The following PLBD2 variants were observed in gnomAD, a reference collection of about 807,000 sequenced individuals.
The protein encoded by PLBD2 is putative aminopeptidase PLBD2.
PLBD2 carries 51 observed loss-of-function variants against 68.3 expected under a neutral mutation model. The ratio of observed to expected loss-of-function variants is 0.75; its 90% CI spans 0.60 to 0.94. PLBD2 has a LOEUF of 0.94. Among genes scored for constraint, PLBD2 ranks in the 40% least tolerant of loss-of-function variants. The pLI is 0.00. For missense variants in PLBD2, 729 were observed against 792.2 expected (o/e 0.92, Z 0.96); for synonymous variants, 314 against 339.3 (o/e 0.93, Z 0.82).
chr12:113,375,741 C>T (rs1270875443), intron 5 of PLBD2, among the ~76,000 whole-genome samples: 1 of 152,166 alleles, frequency 6.6e-6, no homozygotes, highest in Non-Finnish European at 1.5e-5. Context: ...GTGATGGGGA[C>T]AGCTGGGCTA....
rs188606277 is a variant in PLBD2 at position 113,389,791 on chromosome 12, C to T, written c.*1165C>T. The T allele has an allele frequency of 6.6e-6, 1 of 152,266 alleles. No individual in the cohort carries two copies. The highest frequency in any genetic ancestry group is 1.5e-5 in the Non-Finnish European group (1 of 68,048). The allele number at this position is 152,266 out of a possible 1,614,324, so 9.4% of individuals were successfully genotyped here. A position where few individuals can be genotyped will look rare whatever the true frequency, so the allele number is the denominator to read the frequency against. On this transcript the variant is annotated 3_prime_UTR_variant, in exon 12 of 12. Coordinates refer to ENST00000280800, the MANE Select transcript of PLBD2 (RefSeq NM_173542.4). ...GCATAATCTCTGCTCACTGCAACCT[C>T]TGCTTCCTGGGTTCAAGCGATTCTC...
intron 2 of PLBD2, among the ~76,000 whole-genome samples, chr12:113,371,265 A>G (rs936602930): frequency 3.9e-5 from 6 of 152,180 alleles, no homozygotes; most frequent in Non-Finnish European, 5.9e-5. Flanking sequence ...GACATGCACA[A>G]GGTACTCAAA....
rs1188132038 is a variant in PLBD2 at position 113,391,550 on chromosome 12, A to G, written c.*2924A>G. ...ACATTGACTAGATAGTAAACAAAAT[A>G]AATGAAATATGCAGTGTGTCAGTGC... On this transcript the variant is annotated 3_prime_UTR_variant, in exon 12 of 12. Coordinates refer to ENST00000280800, the MANE Select transcript of PLBD2 (RefSeq NM_173542.4). The G allele has an allele frequency of 1.3e-5, 2 of 152,262 alleles. No homozygotes were observed. Among genetic ancestry groups the G allele is most frequent in the African/African-American group, 4.8e-5 (2 of 41,472 alleles). 9.4% of individuals were successfully genotyped at this position (152,262 alleles called of 1,614,324 possible).
chr12:113,358,588 G>A lies in PLBD2; in HGVS notation c.-13G>A. The A allele has an allele frequency of 6.8e-7, 1 of 1,466,794 alleles. No individual in the cohort carries two copies. Among genetic ancestry groups the A allele is most frequent in the East Asian group, 3.0e-5 (1 of 33,218 alleles). 90.9% of individuals were successfully genotyped at this position (1,466,794 alleles called of 1,614,324 possible). A position where few individuals can be genotyped will look rare whatever the true frequency, so the allele number is the denominator to read the frequency against. On this transcript the variant is annotated 5_prime_UTR_variant, in exon 1 of 12. Transcript: ENST00000280800. ...CACGTGACCCGGGCTGCGGGGCGCA[G>A]CATTGTGCGGTCATGGTGGGCCAGA...
chr12:113,387,130 G>A (rs781584225), intron 10 of PLBD2, 41 bp downstream of exon 10: 25 of 1,521,204 alleles, frequency 1.6e-5, no homozygotes, highest in Admixed American at 1.2e-4. Context: ...GAGGGAGGCC[G>A]CAGGAACACA....
At chr12:113,376,100 C>T (rs946182738) in intron 5 of PLBD2, among the ~76,000 whole-genome samples, 3 of 151,634 alleles carry the variant, frequency 2.0e-5, no homozygotes, top group African/African-American at 7.3e-5. Flanking sequence ...GTGATCTGCC[C>T]ACTTTGGCCT....
chr12:113,387,264 C>T (rs1957561743), intron 10 of PLBD2, among the ~76,000 whole-genome samples, 175 bp downstream of exon 10: 1 of 151,882 alleles, frequency 6.6e-6, no homozygotes, highest in South Asian at 2.1e-4. Flanking sequence ...TCCACTTGGG[C>T]CCTGTCACTG....
chr12:113,375,847 C>G (rs1202644259), intron 5 of PLBD2, among the ~76,000 whole-genome samples: 1 of 152,132 alleles, frequency 6.6e-6, no homozygotes, highest in African/African-American at 2.4e-5. Context: ...GTGAAACTGA[C>G]ACAGCATTCT....
chr12:113,359,350 CG>C (rs1957265405), intron 1 of PLBD2: 1 of 155,192 alleles, frequency 6.4e-6, no homozygotes, highest in Non-Finnish European at 1.4e-5. Context: ...GTGGCTTGCT[CG>C]TGGGTGCCAG....
chr12:113,388,668 C>T lies in PLBD2; in HGVS notation c.*42C>T, dbSNP rs753651256. On this transcript the variant is annotated 3_prime_UTR_variant, in exon 12 of 12. Transcript: ENST00000280800. ...TGCTGCTTTCGCCCCTGCTGACCCT[C>T]GTCAGGGTCACCCCCGTCCCAAGGC... is the stretch of plus-strand genomic sequence containing the variant. The T allele has an allele frequency of 9.2e-6, 14 of 1,517,472 alleles. No homozygotes were observed. The highest frequency in any genetic ancestry group is 2.4e-5 in the East Asian group (1 of 41,792). The allele number at this position is 1,517,472 out of a possible 1,614,324, so 94.0% of individuals were successfully genotyped here.
intron 1 of PLBD2, among the ~76,000 whole-genome samples, chr12:113,367,759 A>AAAAAAAAAAAAAAAG (rs750382479): frequency 6.8e-6 from 1 of 148,096 alleles, no homozygotes; most frequent in African/African-American, 2.5e-5. Flanking sequence ...AAAAAAAAAA[A>AAAAAAAAAAAAAAAG]AAAAAAGAAA....
chr12:113,378,385 C>T (rs999553541), intron 5 of PLBD2, among the ~76,000 whole-genome samples: 1 of 151,816 alleles, frequency 6.6e-6, no homozygotes, highest in African/African-American at 2.4e-5. Flanking sequence ...TTTCACTGCT[C>T]TAAAATGTTT....
At chr12:113,381,313 A>T (rs1359007912) in intron 6 of PLBD2, among the ~76,000 whole-genome samples, 2 of 146,688 alleles carry the variant, frequency 1.4e-5, no homozygotes, top group Non-Finnish European at 3.0e-5. Flanking sequence ...AGCCCCTCTG[A>T]CCTGACCAGG....
chr12:113,370,600 C>G (rs1010941474), intron 2 of PLBD2, among the ~76,000 whole-genome samples: 11 of 151,138 alleles, frequency 7.3e-5, no homozygotes, highest in African/African-American at 2.7e-4. Context: ...GCCTCAGCCT[C>G]CAGAGTAGCT....
intron 1 of PLBD2, among the ~76,000 whole-genome samples, chr12:113,362,507 A>G (rs1386236116): frequency 1.3e-5 from 2 of 151,908 alleles, no homozygotes; most frequent in Non-Finnish European, 2.9e-5. Flanking sequence ...GCCTCTTTCA[A>G]GAGGCACCTT....
At position 113,374,688 on chromosome 12, in the gene PLBD2, C is replaced by T. The variant is rs535571554; in HGVS notation, c.645-105C>T. 372 of 1,477,828 alleles carry T rather than the reference C, an allele frequency of 2.5e-4. 4 individuals are homozygous for T. In the African/African-American group the frequency reaches 4.5e-3, roughly 18 times the overall value. 91.5% of individuals were successfully genotyped at this position (1,477,828 alleles called of 1,614,324 possible). ...ACTCCCTGGCTCTGTGGCCTTGGAA[C>T]AGTCAGCTGACTTCCCAGAGCCTCA... On this transcript the variant is annotated intron_variant, in intron 4 of 11. Coordinates refer to ENST00000280800, the MANE Select transcript of PLBD2 (RefSeq NM_173542.4).
intron 3 of PLBD2, among the ~76,000 whole-genome samples, chr12:113,374,215 G>C (rs1957416278): frequency 6.6e-6 from 1 of 152,188 alleles, no homozygotes; most frequent in African/African-American, 2.4e-5. Context: ...GATGGCTTTT[G>C]AACTAGGCTC....
chr12:113,360,758 C>T (rs1352029241), intron 1 of PLBD2, among the ~76,000 whole-genome samples: 18 of 152,318 alleles, frequency 1.2e-4, no homozygotes, highest in African/African-American at 2.9e-4. Flanking sequence ...TGGGTTCAAG[C>T]GATTCTCGTG....
chr12:113,388,721 TG>T lies in PLBD2; in HGVS notation c.*100del. The T allele has an allele frequency of 1.5e-6, 2 of 1,342,966 alleles. No homozygotes were observed. The highest frequency in any genetic ancestry group is 1.0e-6 in the Non-Finnish European group (1 of 1,002,696). The allele number at this position is 1,342,966 out of a possible 1,614,324, so 83.2% of individuals were successfully genotyped here. A position where few individuals can be genotyped will look rare whatever the true frequency, so the allele number is the denominator to read the frequency against. On this transcript the variant is annotated 3_prime_UTR_variant, in exon 12 of 12. Coordinates refer to ENST00000280800, the MANE Select transcript of PLBD2 (RefSeq NM_173542.4). Reference sequence around the variant, plus strand: ...CCGGACTTCTAACTCCAGCCCCTCCTGGGGGCTTCGTTCTCTGATCTGGGGT... The same window carrying T: ...CCGGACTTCTAACTCCAGCCCCTCCTGGGGCTTCGTTCTCTGATCTGGGGT...
Sources: allele counts gnomAD v4.1 joint callset (sites outside exome capture counted in the v4.1 genomes callset), GRCh38; gene constraint gnomAD v4.1.1; transcripts MANE v1.5; gene names NCBI Gene and HGNC (gene_info 2026-07-23, HGNC 2026-07-21).